The following C12orf42 variants were observed in gnomAD, a reference collection of about 807,000 sequenced individuals.
C12orf42 encodes the protein uncharacterized protein C12orf42.
C12orf42 carries 25 observed loss-of-function variants against 21.6 expected under a neutral mutation model. The ratio of observed to expected loss-of-function variants is 1.16; its 90% confidence interval spans 0.84 to 1.62. The LOEUF (loss-of-function observed/expected upper bound fraction) is 1.62, where lower values mean the gene tolerates loss of function less well. Ranked by LOEUF, C12orf42 falls within the 40% of genes most tolerant of loss-of-function variation. The pLI is 0.00. For synonymous variants in C12orf42, 174 were observed against 175.0 expected (o/e 0.99, Z 0.05); for missense variants, 483 against 459.3 (o/e 1.05, Z -0.47).
At chr12:103,095,789 C>T in the C12orf42 span, among the ~76,000 whole-genome samples, 1 of 152,230 alleles carries the variant, frequency 6.6e-6, no homozygotes, top group South Asian at 2.1e-4. Context: ...ATAAATGCCA[C>T]AATATTAGAG....
the C12orf42 span, among the ~76,000 whole-genome samples, chr12:103,119,640 A>T: frequency 6.6e-6 from 1 of 152,200 alleles, no homozygotes; most frequent in Non-Finnish European, 1.5e-5. Context: ...GAGGAGAAGG[A>T]CTATATCTGA....
At position 103,302,307 on chromosome 12, in the gene C12orf42, C is replaced by T. The variant is rs374378970; in HGVS notation, c.884G>A (p.Arg295Lys). ...GAGGGAGGTGTCCGCCTGAGGCCTCCTGTCCCGCGGGGTATGAGGATGCTT... is the reference window on the plus strand; with the variant it reads ...GAGGGAGGTGTCCGCCTGAGGCCTCTTGTCCCGCGGGGTATGAGGATGCTT... ...LPKHPHTPRD[R>K]RPQADTSLHG... is the part of the protein sequence containing the mutation. Residue 295 changes from arginine to lysine, a missense_variant, in exon 6 of 6, where the codon AGG becomes AAG. Transcript: ENST00000548883. 2.5e-6 allele frequency: 4 copies of T among 1,613,900 alleles called. No individual in the cohort carries two copies. Among genetic ancestry groups the T allele is most frequent in the Admixed American group, 1.7e-5 (1 of 60,022 alleles).
intron 4 of C12orf42, among the ~76,000 whole-genome samples, chr12:103,287,353 G>A (rs1408438590): frequency 2.0e-5 from 3 of 152,124 alleles, no homozygotes; most frequent in African/African-American, 7.2e-5. Context: ...GCACATAGAC[G>A]CCATGGAATA....
At chr12:103,515,445 T>C in the C12orf42 span, among the ~76,000 whole-genome samples, 1 of 152,224 alleles carries the variant, frequency 6.6e-6, no homozygotes, top group Non-Finnish European at 1.5e-5. Flanking sequence ...CAAAAGCACC[T>C]GGCACAGATT....
the C12orf42 span, chr12:103,167,933 T>C: frequency 2.4e-6 from 1 of 410,032 alleles, no homozygotes; most frequent in African/African-American, 2.0e-5. Context: ...TGTGTGTGTG[T>C]GTATACTGCA....
At chr12:103,552,192 G>C in the C12orf42 span, among the ~76,000 whole-genome samples, 1 of 152,126 alleles carries the variant, frequency 6.6e-6, no homozygotes, top group African/African-American at 2.4e-5. Context: ...AGAAAATTAG[G>C]TTTGCTCATT....
intron 2 of C12orf42, among the ~76,000 whole-genome samples, chr12:103,460,545 A>G (rs1952629410): frequency 1.3e-5 from 2 of 152,152 alleles, no homozygotes; most frequent in Admixed American, 6.6e-5. Context: ...CTCGCTCTCC[A>G]GTACTGCTTT....
At chr12:103,217,944 T>TTCC in the C12orf42 span, among the ~76,000 whole-genome samples, 4 of 152,126 alleles carry the variant, frequency 2.6e-5, no homozygotes, top group African/African-American at 9.7e-5. Flanking sequence ...GTCTATACCA[T>TTCC]TCATTTGTTG....
the C12orf42 span, among the ~76,000 whole-genome samples, chr12:103,516,487 A>G: frequency 2.0e-5 from 3 of 152,288 alleles, no homozygotes; most frequent in East Asian, 5.8e-4. Context: ...GGTTTAATTG[A>G]CTCACAGTTC....
At chr12:103,114,645 C>A in the C12orf42 span, among the ~76,000 whole-genome samples, 1 of 152,174 alleles carries the variant, frequency 6.6e-6, no homozygotes, top group African/African-American at 2.4e-5. Flanking sequence ...TGTCCCCTTG[C>A]ATGAGAATGC....
chr12:103,125,759 T>A, the C12orf42 span, among the ~76,000 whole-genome samples: 1 of 152,038 alleles, frequency 6.6e-6, no homozygotes, highest in Non-Finnish European at 1.5e-5. Flanking sequence ...CTAACTCCCA[T>A]TAAAACCACA....
the C12orf42 span, among the ~76,000 whole-genome samples, chr12:103,227,505 G>T: frequency 6.6e-6 from 1 of 152,114 alleles, no homozygotes; most frequent in South Asian, 2.1e-4. Flanking sequence ...TAAGGGATTG[G>T]GGGTTCTTGC....
the C12orf42 span, among the ~76,000 whole-genome samples, chr12:103,555,561 G>A: frequency 6.6e-6 from 1 of 152,156 alleles, no homozygotes; most frequent in African/African-American, 2.4e-5. Flanking sequence ...TGCCAATGCT[G>A]CTGATCCGAG....
the C12orf42 span, among the ~76,000 whole-genome samples, chr12:103,075,989 T>A: frequency 6.6e-6 from 1 of 152,142 alleles, no homozygotes; most frequent in African/African-American, 2.4e-5. Flanking sequence ...GTTTTGGATA[T>A]GTGGAGTTTG....
At chr12:103,400,377 T>C (rs1487108161) in intron 3 of C12orf42, among the ~76,000 whole-genome samples, 1 of 152,212 alleles carries the variant, frequency 6.6e-6, no homozygotes, top group Non-Finnish European at 1.5e-5. Context: ...TCATGAAGTG[T>C]TGCCTTCTAA....
chr12:103,065,782 G>T, the C12orf42 span, among the ~76,000 whole-genome samples: 2 of 152,226 alleles, frequency 1.3e-5, no homozygotes, highest in Non-Finnish European at 2.9e-5. Flanking sequence ...CTACAACCAA[G>T]AAAGAGGCAC....
At chr12:103,241,830 C>T (rs1330295259) in intron 10 of C12orf42, among the ~76,000 whole-genome samples, 1 of 152,162 alleles carries the variant, frequency 6.6e-6, no homozygotes, top group East Asian at 1.9e-4. Flanking sequence ...AGCCTGAAAA[C>T]ATGTGTGTTA....
rs569817376 is a variant in C12orf42 at position 103,286,200 on chromosome 12, G to A, written n.338-8990C>T. On this transcript the variant is annotated intron_variant and non_coding_transcript_variant, in intron 4 of 6. Transcript: ENST00000546526. ...CGGGAGGCGGAGCTTGCAGTGAGCC[G>A]AGATTGCACCACTGCACTCCAGCCT... Among the ~76,000 whole-genome samples the A allele has an allele frequency of 3.0e-4, 46 of 151,860 alleles. 1 individual carries two copies. Among genetic ancestry groups the A allele is most frequent in the South Asian group, 1.2e-3 (6 of 4,816 alleles).
chr12:103,178,079 C>G, the C12orf42 span: 1 of 151,906 alleles, frequency 6.6e-6, no homozygotes, highest in African/African-American at 2.4e-5. Context: ...AGAGCGACGG[C>G]GAAGAAAGGA....
Sources: allele counts gnomAD v4.1 joint callset (sites outside exome capture counted in the v4.1 genomes callset), GRCh38; gene constraint gnomAD v4.1.1; transcripts MANE v1.5; gene names NCBI Gene and HGNC (gene_info 2026-07-23, HGNC 2026-07-21).